TTC9C: variants seen among roughly 807,000 people sequenced by gnomAD.
TTC9C encodes the protein tetratricopeptide repeat protein 9C.
In TTC9C, 15 loss-of-function variants were observed where a neutral mutation model predicts 22.5. The observed-to-expected ratio is 0.67, with a 90% CI of 0.45 to 1.03. TTC9C has a LOEUF of 1.03. Ranked by LOEUF, TTC9C falls within the 50% of genes least tolerant of loss-of-function variation. The pLI is 0.00. For synonymous variants in TTC9C, 92 were observed against 86.8 expected (o/e 1.06, Z -0.33); for missense variants, 244 against 214.6 (o/e 1.14, Z -0.86).
rs991896992 is a variant in TTC9C, at chr11:62,735,084, G to A, written c.239-298G>A. Among the ~76,000 whole-genome samples the A allele has an allele frequency of 3.9e-5, 6 of 151,924 alleles. No homozygotes were observed. The East Asian group carries it at 7.7e-4, about 20-fold the overall frequency. On this transcript the variant is annotated intron_variant, in intron 1 of 2. Coordinates refer to ENST00000316461, the MANE Select transcript of TTC9C (RefSeq NM_173810.4). ...GCTAATTTTTATTTTCAGTAGAGAC[G>A]GGGTTTCTCCATGTTGTCAGGCTGA...
chr11:62,733,932 C>T (rs1263693218), intron 1 of TTC9C, among the ~76,000 whole-genome samples: 6 of 151,876 alleles, frequency 4.0e-5, no homozygotes, highest in Admixed American at 1.3e-4. Context: ...GCAGAGGTTG[C>T]GATGAGCCAA....
At chr11:62,736,991 AGTT>A in intron 2 of TTC9C, among the ~76,000 whole-genome samples, 1 of 152,124 alleles carries the variant, frequency 6.6e-6, no homozygotes, top group South Asian at 2.1e-4. Flanking sequence ...TGAGGCCAGG[AGTT>A]CGAGACCATC....
At chr11:62,730,243 T>C (rs1282233716) in intron 1 of TTC9C, among the ~76,000 whole-genome samples, 1 of 151,956 alleles carries the variant, frequency 6.6e-6, no homozygotes, top group Non-Finnish European at 1.5e-5. Context: ...CCTGGCTAAT[T>C]TTTTGTATTT....
intron 1 of TTC9C, among the ~76,000 whole-genome samples, chr11:62,733,739 A>G (rs540328413): frequency 6.6e-6 from 1 of 152,216 alleles, no homozygotes; most frequent in East Asian, 1.9e-4. Flanking sequence ...CACGCCTGTA[A>G]TCCCAGCACT....
At chr11:62,731,510 T>C (rs2083849013) in intron 1 of TTC9C, among the ~76,000 whole-genome samples, 1 of 152,002 alleles carries the variant, frequency 6.6e-6, no homozygotes, top group Non-Finnish European at 1.5e-5. Flanking sequence ...GGTGGGCCAA[T>C]GTCTTGAGCA....
intron 1 of TTC9C, chr11:62,733,164 C>G: frequency 1.6e-6 from 2 of 1,288,056 alleles, no homozygotes; most frequent in Non-Finnish European, 2.0e-6. Context: ...AAAGGCAGAA[C>G]ATTGACCTGA....
intron 2 of TTC9C, 103 bp downstream of exon 2, chr11:62,735,667 T>A (rs1296562428): frequency 1.4e-6 from 2 of 1,432,346 alleles, no homozygotes. Flanking sequence ...TTATTTTCAA[T>A]AAGTAATACA....
At chr11:62,732,055 G>C (rs535511914) in intron 1 of TTC9C, among the ~76,000 whole-genome samples, 1 of 143,840 alleles carries the variant, frequency 7.0e-6, no homozygotes, top group South Asian at 2.2e-4. Flanking sequence ...GGCGTCAGTG[G>C]CGCAATTCTG....
intron 2 of TTC9C, among the ~76,000 whole-genome samples, chr11:62,737,162 G>A (rs1285688659): frequency 6.6e-6 from 1 of 152,130 alleles, no homozygotes; most frequent in African/African-American, 2.4e-5. Flanking sequence ...TCGCGCCACT[G>A]CACTCCAGCC....
chr11:62,733,115 C>T, intron 1 of TTC9C: 1 of 1,285,758 alleles, frequency 7.8e-7, no homozygotes, highest in Non-Finnish European at 1.0e-6. Context: ...TTAATTCCCA[C>T]AGTTGTGAAA....
At chr11:62,737,895 G>A (rs2083929513) in intron 2 of TTC9C, among the ~76,000 whole-genome samples, 1 of 152,106 alleles carries the variant, frequency 6.6e-6, no homozygotes, top group Admixed American at 6.6e-5. Flanking sequence ...ACCAAGCATG[G>A]TGGTGCATGC....
intron 2 of TTC9C, among the ~76,000 whole-genome samples, chr11:62,736,876 G>A (rs905815487): frequency 3.3e-5 from 5 of 150,818 alleles, no homozygotes; most frequent in African/African-American, 7.3e-5. Flanking sequence ...AGCGAGTGTC[G>A]TTTTTCAAGT....
upstream of TTC9C, chr11:62,728,453 G>A (rs889546194): frequency 4.3e-6 from 2 of 464,026 alleles, no homozygotes; most frequent in East Asian, 6.7e-5. Context: ...TTCCAGGTCG[G>A]GGGGGGGCGG....
At position 62,738,452 on chromosome 11, in the gene TTC9C, GC is replaced by G; in HGVS notation, c.*72del. The G allele has an allele frequency of 8.8e-7, 1 of 1,135,254 alleles. No individual in the cohort carries two copies. The highest frequency in any genetic ancestry group is 1.3e-6 in the Non-Finnish European group (1 of 771,754). The allele number at this position is 1,135,254 out of a possible 1,614,324, so 70.3% of individuals were successfully genotyped here. A position where few individuals can be genotyped will look rare whatever the true frequency, so the allele number is the denominator to read the frequency against. ...AAACATGCATGAAGGAGAAATCTGA[GC>G]CTCAGCAAGAGAAATTAACCCTATA... On this transcript the variant is annotated 3_prime_UTR_variant, in exon 3 of 3. Transcript: ENST00000316461.
intron 2 of TTC9C, among the ~76,000 whole-genome samples, chr11:62,737,057 G>T (rs1378689652): frequency 2.6e-5 from 4 of 151,950 alleles, no homozygotes; most frequent in Admixed American, 6.6e-5. Context: ...AAATTAGCCG[G>T]GCGTGGTGGC....
chr11:62,735,670 G>A, intron 2 of TTC9C, 106 bp downstream of exon 2: 1 of 1,425,992 alleles, frequency 7.0e-7, no homozygotes, highest in Non-Finnish European at 9.2e-7. Context: ...TTTTCAATAA[G>A]TAATACATTC....
At position 62,736,910 on chromosome 11, in the gene TTC9C, AT is replaced by A. The variant is rs113669745; in HGVS notation, c.421+1348del. Among the ~76,000 whole-genome samples the A allele has an allele frequency of 4.7e-4, 71 of 149,884 alleles. 1 individual carries two copies. Among genetic ancestry groups the A allele is most frequent in the African/African-American group, 1.6e-3 (66 of 40,806 alleles). On this transcript the variant is annotated intron_variant, in intron 2 of 2. Coordinates refer to ENST00000316461, the MANE Select transcript of TTC9C (RefSeq NM_173810.4). ...GTTCTGTTCCTGGTCTTTAAGAGTG[AT>A]TGGAGGCTGGGCATGGTGGCTTATG... is the stretch of plus-strand genomic sequence containing the variant.
chr11:62,737,338 A>T (rs2083924010), intron 2 of TTC9C, among the ~76,000 whole-genome samples: 1 of 152,188 alleles, frequency 6.6e-6, no homozygotes, highest in Admixed American at 6.6e-5. Flanking sequence ...TTTATCCTTT[A>T]GCTCAGCTAA....
rs2083878127 is a variant in TTC9C at position 62,733,687 on chromosome 11, C to A, written c.239-1695C>A. Among the ~76,000 whole-genome samples the A allele has an allele frequency of 2.0e-5, 3 of 151,750 alleles. No individual in the cohort carries two copies. In the South Asian group the frequency reaches 6.3e-4, roughly 32 times the overall value. ...GGTACAATCTCGGCTCACTGCATAT[C>A]TAATTTTATATAAAAAATTAATGGG... is the stretch of plus-strand genomic sequence containing the variant. On this transcript the variant is annotated intron_variant, in intron 1 of 2. Transcript: ENST00000316461.
Sources: gnomAD v4.1 joint callset for allele counts (sites outside exome capture counted in the v4.1 genomes callset) on GRCh38, gnomAD v4.1.1 for gene constraint, MANE v1.5 for transcripts, NCBI Gene and HGNC (gene_info 2026-07-23, HGNC 2026-07-21) for gene names.